The following MITF variants were observed in gnomAD, a reference collection of about 807,000 sequenced individuals.
MITF encodes the protein melanocyte inducing transcription factor, also known as microphthalmia-associated transcription factor.
In MITF, 17 loss-of-function variants were observed where a neutral mutation model predicts 60.5. The ratio of observed to expected loss-of-function variants is 0.28; its 90% CI spans 0.19 to 0.42. The LOEUF (loss-of-function observed/expected upper bound fraction) is 0.42. MITF is among the 10% of genes least tolerant of loss of function. The pLI is 1.00. For missense variants in MITF, 622 were observed against 683.5 expected, an observed-to-expected ratio of 0.91 and a Z score of 1.00; for synonymous variants, 260 against 248.5, an observed-to-expected ratio of 1.05 and a Z score of -0.43.
chr3:69,898,578 TA>T (rs2064928551), intron 2 of MITF, among the ~76,000 whole-genome samples: 1 of 152,158 alleles, frequency 6.6e-6, no homozygotes, highest in Non-Finnish European at 1.5e-5. Flanking sequence ...AACATGCCAG[TA>T]GGACAGAGAG....
At chr3:69,899,978 C>T (rs1205722974) in intron 2 of MITF, among the ~76,000 whole-genome samples, 2 of 152,152 alleles carry the variant, frequency 1.3e-5, no homozygotes, top group Non-Finnish European at 2.9e-5. Context: ...CCCCTCTCCA[C>T]TTATGCACCA....
At chr3:69,894,343 A>G (rs2064825373) in intron 2 of MITF, among the ~76,000 whole-genome samples, 1 of 152,136 alleles carries the variant, frequency 6.6e-6, no homozygotes, top group South Asian at 2.1e-4. Context: ...TTTGCTTTGG[A>G]ATTACTCGAC....
chr3:69,787,134 C>A (rs922829085), intron 1 of MITF, among the ~76,000 whole-genome samples: 1 of 152,146 alleles, frequency 6.6e-6, no homozygotes, highest in African/African-American at 2.4e-5. Flanking sequence ...AAGCTCAAAC[C>A]GTTCTTATTG....
intron 1 of MITF, among the ~76,000 whole-genome samples, chr3:69,819,974 C>A (rs1228103617): frequency 6.6e-6 from 1 of 152,016 alleles, no homozygotes; most frequent in Non-Finnish European, 1.5e-5. Flanking sequence ...AAAAAACAAA[C>A]AAACAAACAA....
intron 2 of MITF, among the ~76,000 whole-genome samples, chr3:69,922,250 TCTCA>T (rs1453517235): frequency 4.0e-5 from 6 of 151,836 alleles, no homozygotes; most frequent in Non-Finnish European, 7.4e-5. Flanking sequence ...TCAGACGGAG[TCTCA>T]CTCTGTCGCC....
rs185947737 is a variant in MITF at position 69,755,942 on chromosome 3, G to T, written c.104+16241G>T. 2.6e-5 allele frequency among the ~76,000 whole-genome samples: 4 copies of T among 152,236 alleles called. No homozygotes were observed. The East Asian group carries it at 5.8e-4, about 22-fold the overall frequency. ...GCTACTACTGGTGTCATTGCTACTA[G>T]AACTTAGAAGTTTGCATAAGAATGG... is the stretch of plus-strand genomic sequence containing the variant. On this transcript the variant is annotated intron_variant, in intron 1 of 9. Coordinates refer to ENST00000352241, the MANE Select transcript of MITF (RefSeq NM_001354604.2).
chr3:69,856,890 G>A (rs2063927541), intron 1 of MITF, among the ~76,000 whole-genome samples: 2 of 151,840 alleles, frequency 1.3e-5, no homozygotes, highest in African/African-American at 4.8e-5. Flanking sequence ...TTCATGCTTG[G>A]TATAATATTC....
At chr3:69,927,605 A>C (rs1018279535) in intron 2 of MITF, among the ~76,000 whole-genome samples, 13 of 152,350 alleles carry the variant, frequency 8.5e-5, no homozygotes, top group Admixed American at 6.5e-4. Flanking sequence ...AAATTGTTAG[A>C]TAAAATGTGG....
chr3:69,960,407 G>A (rs185294691), intron 9 of MITF, among the ~76,000 whole-genome samples: 7 of 152,256 alleles, frequency 4.6e-5, no homozygotes, highest in East Asian at 3.9e-4. Context: ...AGTGTAAGCC[G>A]GAGATGGGGA....
chr3:69,882,878 T>C (rs2064522337), intron 2 of MITF, among the ~76,000 whole-genome samples: 1 of 152,190 alleles, frequency 6.6e-6, no homozygotes, highest in Admixed American at 6.5e-5. Context: ...CTTCCCCTAC[T>C]ACCTTCCCAA....
chr3:69,812,058 A>G (rs1386711791), intron 1 of MITF, among the ~76,000 whole-genome samples: 2 of 150,292 alleles, frequency 1.3e-5, no homozygotes, highest in African/African-American at 2.4e-5. Flanking sequence ...ATGCAACCCC[A>G]GATGCTTTGA....
At chr3:69,908,111 A>G (rs1221355277) in intron 2 of MITF, among the ~76,000 whole-genome samples, 1 of 151,950 alleles carries the variant, frequency 6.6e-6, no homozygotes, top group Non-Finnish European at 1.5e-5. Context: ...TTGCTATAGA[A>G]TCTAGATGGA....
intron 9 of MITF, among the ~76,000 whole-genome samples, chr3:69,959,647 G>A (rs1455306572): frequency 6.6e-6 from 1 of 152,164 alleles, no homozygotes; most frequent in East Asian, 1.9e-4. Context: ...GCACGTTTGA[G>A]CTGCCCATGG....
At chr3:69,894,849 A>G (rs913668094) in intron 2 of MITF, among the ~76,000 whole-genome samples, 1 of 152,130 alleles carries the variant, frequency 6.6e-6, no homozygotes, top group Non-Finnish European at 1.5e-5. Context: ...TATTTTTGCT[A>G]TTAAACCATT....
chr3:69,894,322 G>A (rs2064824871), intron 2 of MITF, among the ~76,000 whole-genome samples: 1 of 152,180 alleles, frequency 6.6e-6, no homozygotes, highest in Non-Finnish European at 1.5e-5. Flanking sequence ...GTCTCTAAGT[G>A]TTTTGATTCA....
At chr3:69,951,022 A>G (rs1189045675) in intron 6 of MITF, among the ~76,000 whole-genome samples, 5 of 151,662 alleles carry the variant, frequency 3.3e-5, no homozygotes, top group Admixed American at 6.6e-5. Flanking sequence ...TCTGGCACCA[A>G]CTTCTGAAAA....
At chr3:69,791,445 A>G (rs1352007496) in intron 1 of MITF, among the ~76,000 whole-genome samples, 3 of 152,220 alleles carry the variant, frequency 2.0e-5, no homozygotes, top group Non-Finnish European at 4.4e-5. Context: ...GATTAATAGT[A>G]TGGTAACAAA....
chr3:69,957,118 A>C (rs1576049016), intron 8 of MITF, among the ~76,000 whole-genome samples: 1 of 152,178 alleles, frequency 6.6e-6, no homozygotes, highest in East Asian at 1.9e-4. Context: ...CTCTTTACCC[A>C]CCCTGTCCCC....
intron 2 of MITF, among the ~76,000 whole-genome samples, chr3:69,880,510 G>A (rs2064461975): frequency 6.6e-6 from 1 of 152,066 alleles, no homozygotes. Context: ...AAATAGTTTA[G>A]CATAAAGTTT....
Sources: gnomAD v4.1 joint callset for allele counts (sites outside exome capture counted in the v4.1 genomes callset) on GRCh38, gnomAD v4.1.1 for gene constraint, MANE v1.5 for transcripts, NCBI Gene and HGNC (gene_info 2026-07-23, HGNC 2026-07-21) for gene names.